The following COG4 variants were observed in gnomAD, a reference collection of about 807,000 sequenced individuals.
COG4 encodes the protein conserved oligomeric Golgi complex subunit 4.
Under a neutral mutation model 95.1 loss-of-function variants are expected in COG4, and 65 were observed. The ratio of observed to expected loss-of-function variants is 0.68; its 90% CI spans 0.56 to 0.84. The LOEUF (loss-of-function observed/expected upper bound fraction) is 0.84. COG4 is among the 40% of genes least tolerant of loss of function. The pLI, the probability that COG4 is intolerant of heterozygous loss-of-function variation, is 0.00. For synonymous variants in COG4, 421 were observed against 374.8 expected, an observed-to-expected ratio of 1.12 and a Z score of -1.42; for missense variants, 1,045 against 989.1, an observed-to-expected ratio of 1.06 and a Z score of -0.76.
chr16:70,518,029 C>T (rs931816986), intron 2 of COG4, among the ~76,000 whole-genome samples: 5 of 151,970 alleles, frequency 3.3e-5, no homozygotes, highest in African/African-American at 1.2e-4. Flanking sequence ...CTCCCGGGTT[C>T]AAGCGATTCT....
chr16:70,522,146 C>T (rs1207478310), intron 1 of COG4, among the ~76,000 whole-genome samples: 2 of 151,966 alleles, frequency 1.3e-5, no homozygotes, highest in Non-Finnish European at 2.9e-5. Flanking sequence ...TACAGGCATG[C>T]GTCACCACAC....
intron 1 of COG4, 143 bp from the exon 2 acceptor site, chr16:70,519,874 G>T: frequency 1.4e-6 from 1 of 706,824 alleles, no homozygotes; most frequent in Admixed American, 2.0e-5. Context: ...CTTTAACAAT[G>T]CTTCATTTTG....
chr16:70,486,576 A>C (rs9929904), intron 13 of COG4, among the ~76,000 whole-genome samples: 86,493 of 152,102 alleles, frequency 0.57, 27,715 homozygotes, highest in African/African-American at 0.88. Flanking sequence ...TTTTTCAGCT[A>C]TTTTACTTGG....
At chr16:70,509,857 C>T in intron 6 of COG4, 59 bp downstream of exon 6, 1 of 1,265,612 alleles carries the variant, frequency 7.9e-7, no homozygotes, top group Non-Finnish European at 1.2e-6. Flanking sequence ...AGAAGAAAGG[C>T]TAGGATGCAG....
At position 70,484,455 on chromosome 16, in the gene COG4, C is replaced by G. The variant is rs536412071; in HGVS notation, c.1711-486G>C. On this transcript the variant is annotated intron_variant, in intron 13 of 18. Coordinates refer to ENST00000323786, the MANE Select transcript of COG4 (RefSeq NM_015386.3). Reference sequence around the variant, plus strand: ...CCCCTTTTATATTTATTTACTTCTTCTTAAATTTTATTTAAATTTACCAAA... The same window carrying G: ...CCCCTTTTATATTTATTTACTTCTTGTTAAATTTTATTTAAATTTACCAAA... Among the ~76,000 whole-genome samples, 10 of 152,206 alleles carry G rather than the reference C, an allele frequency of 6.6e-5. No individual in the cohort carries two copies. In the South Asian group the frequency reaches 2.1e-3, roughly 32 times the overall value.
At chr16:70,496,475 G>C in intron 11 of COG4, 44 bp from the exon 12 acceptor site, 1 of 1,604,956 alleles carries the variant, frequency 6.2e-7, no homozygotes, top group Non-Finnish European at 8.5e-7. Flanking sequence ...TGCTCAACTT[G>C]GCCACCAGGA....
chr16:70,493,838 G>C (rs1013115351), intron 12 of COG4, among the ~76,000 whole-genome samples: 4 of 152,164 alleles, frequency 2.6e-5, no homozygotes, highest in African/African-American at 9.7e-5. Context: ...GGAGGAAATA[G>C]AGGGCCTGGG....
rs947399899 is a variant in COG4 at position 70,508,752 on chromosome 16, A to G, written c.1003-288T>C. On this transcript the variant is annotated intron_variant, in intron 7 of 18. Coordinates refer to ENST00000323786, the MANE Select transcript of COG4 (RefSeq NM_015386.3). The stretch of plus-strand genomic sequence containing the variant: ...CCTAGTCTGGAGTTCTAGAAATACA[A>G]TTGTATGAGGCCACTCCTATTTCTA... 8.2e-6 allele frequency: 5 copies of G among 609,456 alleles called. No individual in the cohort carries two copies. The African/African-American group carries it at 9.1e-5, about 11-fold the overall frequency. 37.8% of individuals were successfully genotyped at this position (609,456 alleles called of 1,614,324 possible).
At position 70,496,307 on chromosome 16, in the gene COG4, T is replaced by C; in HGVS notation, c.1606A>G (p.Lys536Glu). 6.2e-7 allele frequency: 1 copy of C among 1,614,160 alleles called. No homozygotes were observed. Among genetic ancestry groups the C allele is most frequent in the Non-Finnish European group, 8.5e-7 (1 of 1,180,016 alleles). The part of the protein sequence containing the change: ...SSLQQGKFDT[K>E]GIESTDEAKM... ...GCCTCGTCAGTACTCTCGATGCCTT[T>C]TGTGTCAAATTTGCCTTGCTGGAGG... Residue 536 changes from lysine to glutamate, a missense_variant, in exon 12 of 19, where the codon AAA (lysine) becomes GAA (glutamate). Lys to Glu is a moderately conservative substitution (Grantham distance 56). Coordinates refer to ENST00000323786, the MANE Select transcript of COG4 (RefSeq NM_015386.3).
intron 8 of COG4, among the ~76,000 whole-genome samples, chr16:70,504,947 TG>T (rs1039878127): frequency 2.6e-5 from 4 of 151,852 alleles, no homozygotes; most frequent in Non-Finnish European, 5.9e-5. Context: ...ATGCCGTTAG[TG>T]CAGAAGTTAA....
chr16:70,481,959 CG>C, intron 16 of COG4, 94 bp from the exon 17 acceptor site: 1 of 1,365,104 alleles, frequency 7.3e-7, no homozygotes, highest in Non-Finnish European at 1.0e-6. Flanking sequence ...CGTGAGGCCA[CG>C]GGGGAGTTTC....
intron 8 of COG4, among the ~76,000 whole-genome samples, chr16:70,506,011 T>G (rs567202224): frequency 6.6e-6 from 1 of 151,490 alleles, no homozygotes; most frequent in Non-Finnish European, 1.5e-5. Flanking sequence ...CCGGGTATGG[T>G]GGCTCATGCC....
intron 1 of COG4, among the ~76,000 whole-genome samples, chr16:70,522,543 A>C (rs1252393583): frequency 6.6e-6 from 1 of 152,240 alleles, no homozygotes; most frequent in Non-Finnish European, 1.5e-5. Context: ...TATACTTGAA[A>C]ATACTCAAAG....
In COG4 at chr16:70,509,953, T is replaced by C; in HGVS notation, c.807A>G (p.Ala269=). Residue 269 remains alanine (A), a synonymous_variant, in exon 6 of 19, where the codon GCA becomes GCG. Transcript: ENST00000323786. Reference sequence around the variant, plus strand: ...GAGTAAGTGTATCTGCAAAGATGACTGCAGCTCTCCGATCACTCATGTCTG... The same window carrying C: ...GAGTAAGTGTATCTGCAAAGATGACCGCAGCTCTCCGATCACTCATGTCTG... ...LGTDMSDRRA[A]VIFADTLTLL... The C allele has an allele frequency of 6.2e-7, 1 of 1,613,990 alleles. No homozygotes were observed. The highest frequency in any genetic ancestry group is 1.1e-5 in the South Asian group (1 of 91,076).
chr16:70,481,369 T>C lies in COG4; in HGVS notation c.2225A>G (p.Asn742Ser), dbSNP rs200259754. The C allele has an allele frequency of 3.0e-4, 489 of 1,612,686 alleles. No homozygotes were observed. The highest frequency in any genetic ancestry group is 4.0e-4 in the Non-Finnish European group (468 of 1,179,902). The change falls in exon 18 of 19, where the codon AAT (asparagine) becomes AGT (serine). Residue 742 changes from asparagine (N) to serine (S), a missense_variant. Asn to Ser is a conservative substitution (Grantham distance 46, BLOSUM62 1). Coordinates refer to ENST00000323786, the MANE Select transcript of COG4 (RefSeq NM_015386.3). ...ARLSQMATIL[N>S]LERVTEILDY... Reference sequence around the variant, plus strand: ...GGGTGCCCCACCTACCCGCTCCAGATTGAGGATGGTGGCCATCTGGGAGAG... The same window carrying C: ...GGGTGCCCCACCTACCCGCTCCAGACTGAGGATGGTGGCCATCTGGGAGAG...
rs776910793 is a variant in COG4, at chr16:70,519,751, C to T, written c.172-20G>A. ...CACTTTCTGAAACACAGAGAAACAT[C>T]CTGTCAGCAGAATGATCAGAAGGAA... On this transcript the variant is annotated intron_variant, in intron 1 of 18. Transcript: ENST00000323786. 12 of 1,571,586 alleles carry T rather than the reference C, an allele frequency of 7.6e-6. No homozygotes were observed. The African/African-American group carries it at 8.1e-5, about 11-fold the overall frequency.
At chr16:70,500,936 A>G (rs1317591912) in intron 9 of COG4, 22 bp downstream of exon 9, 3 of 1,613,952 alleles carry the variant, frequency 1.9e-6, no homozygotes, top group South Asian at 2.2e-5. Context: ...ACCCTCCCCA[A>G]AAATATGGGA....
chr16:70,523,311 C>T (rs906376407), intron 1 of COG4, 62 bp downstream of exon 1: 7 of 1,597,238 alleles, frequency 4.4e-6, no homozygotes, highest in Non-Finnish European at 6.0e-6. Context: ...CCCGGATTTC[C>T]CGACTGAAGG....
At chr16:70,487,354 C>T (rs1013556408) in intron 13 of COG4, among the ~76,000 whole-genome samples, 21 of 151,838 alleles carry the variant, frequency 1.4e-4, no homozygotes, top group African/African-American at 3.4e-4. Flanking sequence ...CCCAGCACTT[C>T]GGGATGCCAA....
Sources: allele counts gnomAD v4.1 joint callset (sites outside exome capture counted in the v4.1 genomes callset), GRCh38; gene constraint gnomAD v4.1.1; transcripts MANE v1.5; gene names NCBI Gene and HGNC (gene_info 2026-07-23, HGNC 2026-07-21).